The following ZNF425 variants were observed in gnomAD, a reference collection of about 807,000 sequenced individuals.
The protein encoded by ZNF425 is zinc finger protein 425.
ZNF425 carries 21 observed loss-of-function variants against 17.0 expected under a neutral mutation model. The observed-to-expected ratio is 1.23, with a 90% CI of 0.88 to 1.78. The LOEUF is 1.78. Among genes scored for constraint, ZNF425 ranks in the 40% most tolerant of loss-of-function variants. ZNF425 has a pLI of 0.00. For synonymous variants in ZNF425, 433 were observed against 384.1 expected (o/e 1.13, Z -1.49); for missense variants, 868 against 967.3 (o/e 0.90, Z 1.36).
intron 3 of ZNF425, among the ~76,000 whole-genome samples, chr7:149,110,459 A>T (rs1224958932): frequency 6.6e-6 from 1 of 151,232 alleles, no homozygotes; most frequent in African/African-American, 2.4e-5. Flanking sequence ...CCAGCTACTC[A>T]GGAGGCTGAG....
At position 149,124,903 on chromosome 7, in the gene ZNF425, T is replaced by G. The variant is rs1268411901; in HGVS notation, c.18+1293A>C. 5.3e-5 allele frequency among the ~76,000 whole-genome samples: 8 copies of G among 152,346 alleles called. No individual in the cohort carries two copies. The East Asian group carries it at 1.5e-3, about 29-fold the overall frequency. ...ACCACATTTACAATTAGCATTAAACTGCTACAGTGGAAAGGAAAATCAAGA... is the reference window on the plus strand; with the variant it reads ...ACCACATTTACAATTAGCATTAAACGGCTACAGTGGAAAGGAAAATCAAGA... On this transcript the variant is annotated intron_variant, in intron 1 of 3. Transcript: ENST00000378061.
intron 1 of ZNF425, chr7:149,118,793 C>A (rs1378436484): frequency 1.5e-5 from 3 of 203,528 alleles, no homozygotes; most frequent in African/African-American, 2.4e-5. Flanking sequence ...CCAGCCTGGG[C>A]TACAGAGTGA....
intron 2 of ZNF425, among the ~76,000 whole-genome samples, chr7:149,112,866 C>T (rs13309411): frequency 1.3e-5 from 2 of 151,154 alleles, no homozygotes; most frequent in African/African-American, 2.4e-5. Context: ...CGTTTTGCCA[C>T]GTTGCCCAGG....
At position 149,118,406 on chromosome 7, in the gene ZNF425, A is replaced by G. The variant is rs144247329; in HGVS notation, c.19-58T>C. On this transcript the variant is annotated intron_variant, in intron 1 of 3. Transcript: ENST00000378061. ...TACTTTACGGCTACTTTGTTTTTCA[A>G]TGTCCATTACTTTATTGAGATACAG... 9 of 1,587,622 alleles carry G rather than the reference A, an allele frequency of 5.7e-6. No individual in the cohort carries two copies. The East Asian group carries it at 1.8e-4, about 32-fold the overall frequency.
intron 1 of ZNF425, among the ~76,000 whole-genome samples, chr7:149,119,277 G>A (rs536291509): frequency 2.6e-5 from 4 of 152,008 alleles, no homozygotes; most frequent in Non-Finnish European, 5.9e-5. Flanking sequence ...TGCCTGGTTC[G>A]AGAGACCAAC....
intron 1 of ZNF425, among the ~76,000 whole-genome samples, chr7:149,121,079 CTTTTTTTTTTTTTTTTTT>C (rs75534831): frequency 2.7e-4 from 17 of 62,776 alleles, no homozygotes; most frequent in African/African-American, 1.5e-3. Context: ...TTTTACATTC[CTTTTTTTTTTTTTTTTTT>C]TTTTTTTTTT....
chr7:149,111,619 A>AAAAAAAAAAAAAAAAAT (rs1563146538), intron 3 of ZNF425, among the ~76,000 whole-genome samples: 5 of 145,574 alleles, frequency 3.4e-5, no homozygotes, highest in African/African-American at 1.3e-4. Flanking sequence ...AAAAAAAAAA[A>AAAAAAAAAAAAAAAAAT]AATTATATAT....
At chr7:149,105,973 TGAGACGGAG>T (rs1826078040) in intron 3 of ZNF425, among the ~76,000 whole-genome samples, 1 of 148,564 alleles carries the variant, frequency 6.7e-6, no homozygotes, top group South Asian at 2.1e-4. Context: ...TTTTTTTTTT[TGAGACGGAG>T]TATTACTCTG....
chr7:149,113,625 T>C (rs1826209636), intron 2 of ZNF425, among the ~76,000 whole-genome samples: 1 of 149,964 alleles, frequency 6.7e-6, no homozygotes, highest in Admixed American at 6.7e-5. Flanking sequence ...GATCTCAGCT[T>C]ACTGGCAGCT....
chr7:149,104,619 C>T lies in ZNF425; in HGVS notation c.1252G>A (p.Glu418Lys), dbSNP rs760631201. 25 of 1,614,040 alleles carry T rather than the reference C, an allele frequency of 1.5e-5. No homozygotes were observed. In the Admixed American group the frequency reaches 3.7e-4, roughly 24 times the overall value. ...TTGAGGCGGAAACTTTTGTTACACT[C>T]GGGACACGAAAAGGGCTTCTCTCCC... ...HTGEKPFSCP[E>K]CNKSFRLKRS... Residue 418 changes from glutamate to lysine, a missense_variant, in exon 4 of 4, where the codon GAG becomes AAG. This residue lies in a region of ZNF425 where 437 missense variants were observed against 444.2 expected (regional missense o/e 0.98). Transcript: ENST00000378061. This position sits in a 1 kb window ranked among gnomAD's most constrained non-coding sequence, Gnocchi z 4.3.
chr7:149,108,452 G>C (rs1392090980), intron 3 of ZNF425, among the ~76,000 whole-genome samples: 2 of 151,888 alleles, frequency 1.3e-5, no homozygotes, highest in South Asian at 4.1e-4. Context: ...CTCATCACTG[G>C]AAGTTAAATC....
rs1826051379 is a variant in ZNF425, at chr7:149,104,869, C to G, written c.1002G>C (p.Gln334His). 2 of 1,613,506 alleles carry G rather than the reference C, an allele frequency of 1.2e-6. No individual in the cohort carries two copies. Among genetic ancestry groups the G allele is most frequent in the African/African-American group, 1.3e-5 (1 of 74,920 alleles). The change falls in exon 4 of 4, where the codon CAG becomes CAC. Residue 334 changes from glutamine to histidine, a missense_variant. By Grantham distance (24) the Gln-to-His change is conservative (BLOSUM62 0). This residue lies in a region of ZNF425 where 243 missense variants were observed against 265.2 expected (regional missense o/e 0.92). Coordinates refer to ENST00000378061, the MANE Select transcript of ZNF425 (RefSeq NM_001001661.3). The surrounding 1 kb of genome is among the most constrained non-coding windows in gnomAD (Gnocchi z 4.3). ...TCTTCAGGCGGAAGCACCGGTCACA[C>G]TGCGGACACTGGAAGGGCTTCTCTC... ...HSGEKPFQCP[Q>H]CDRCFRLKRG...
rs756725881 is a variant in ZNF425 at position 149,112,292 on chromosome 7, T to C, written c.149A>G (p.Tyr50Cys). Residue 50 changes from tyrosine (Y) to cysteine (C), a missense_variant, in exon 3 of 4, where the codon TAT becomes TGT. By Grantham distance (194) the Tyr-to-Cys change is radical (BLOSUM62 -2). This residue lies in a region of ZNF425 where 179 missense variants were observed against 216.3 expected (regional missense o/e 0.83). Transcript: ENST00000378061. ...TNYETLDSLG[Y>C]AFSKPDLITW... ...GATCAAATCTGGCTTGGAAAAAGCA[T>C]ACCCTGCAAATAGAGTCCACACAGA... 8 of 1,613,332 alleles carry C rather than the reference T, an allele frequency of 5.0e-6. No homozygotes were observed. Among genetic ancestry groups the C allele is most frequent in the Non-Finnish European group, 5.9e-6 (7 of 1,179,650 alleles).
In ZNF425 at chr7:149,105,364, G is replaced by A. The variant is rs1352693001; in HGVS notation, c.507C>T (p.Asp169=). The A allele has an allele frequency of 6.2e-7, 1 of 1,612,612 alleles. No homozygotes were observed. Among genetic ancestry groups the A allele is most frequent in the Non-Finnish European group, 8.5e-7 (1 of 1,179,498 alleles). The change falls in exon 4 of 4, where the codon GAC becomes GAT. Residue 169 remains aspartate, a synonymous_variant. Transcript: ENST00000378061. ...GGGTCTCCCGAGGCTTATGCCGCAG[G>A]TCTTTCTTGTCTGGATCATATGCTG... The part of the protein sequence containing the change: ...SITAYDPDKK[D]LRHKPRETPG...
At chr7:149,117,642 C>CTTTTTTTTTTTTTTTTT (rs869026303) in intron 2 of ZNF425, among the ~76,000 whole-genome samples, 1 of 54,958 alleles carries the variant, frequency 1.8e-5, no homozygotes, top group African/African-American at 7.6e-5. Context: ...CTTAGTAATT[C>CTTTTTTTTTTTTTTTTT]TTTTTTTTTT....
At chr7:149,126,087 C>A (rs756003346) in intron 1 of ZNF425, 109 bp downstream of exon 1, 5 of 1,576,604 alleles carry the variant, frequency 3.2e-6, no homozygotes, top group Non-Finnish European at 4.3e-6. Context: ...CACTGCCAAC[C>A]CCCAGGCCCA....
chr7:149,114,931 CTT>C (rs35954198), intron 2 of ZNF425, among the ~76,000 whole-genome samples: 482 of 100,954 alleles, frequency 4.8e-3, no homozygotes, highest in African/African-American at 0.015. Flanking sequence ...TCTTTCTTTT[CTT>C]TTTTTTTTTT....
At chr7:149,113,238 G>A (rs1238585725) in intron 2 of ZNF425, 1 of 151,930 alleles carries the variant, frequency 6.6e-6, no homozygotes, top group Non-Finnish European at 1.5e-5. Context: ...GCTTCCCAAA[G>A]TGCTAGGATT....
chr7:149,112,053 C>G, intron 3 of ZNF425, 84 bp downstream of exon 3: 1 of 1,404,440 alleles, frequency 7.1e-7, no homozygotes, highest in Non-Finnish European at 9.8e-7. Flanking sequence ...TTGACTAGAT[C>G]TAGTCAGATA....
Sources: allele counts gnomAD v4.1 joint callset (sites outside exome capture counted in the v4.1 genomes callset), GRCh38; gene constraint gnomAD v4.1.1; regional missense constraint gnomAD v4.1.1; non-coding constraint Gnocchi (gnomAD v3.1); transcripts MANE v1.5; gene names NCBI Gene and HGNC (gene_info 2026-07-23, HGNC 2026-07-21).